Variants in C1QL1 observed in about 807,000 individuals in gnomAD.
C1QL1 encodes the protein complement C1q like 1.
In C1QL1, 15 loss-of-function variants were observed where a neutral mutation model predicts 14.2. The ratio of observed to expected loss-of-function variants is 1.06; its 90% CI spans 0.71 to 1.62. The LOEUF (loss-of-function observed/expected upper bound fraction) is 1.62, where lower values mean the gene tolerates loss of function less well. Among genes scored for constraint, C1QL1 ranks in the 40% most tolerant of loss-of-function variants. C1QL1 has a pLI of 0.00. For synonymous variants in C1QL1, 172 were observed against 172.4 expected (o/e 1.00, Z 0.02); for missense variants, 346 against 380.3 (o/e 0.91, Z 0.75).
chr17:44,967,825 G>A lies in C1QL1; in HGVS notation c.224C>T (p.Thr75Ile). ...AGGCCCCGGAGGGCCGGGCTTGCCG[G>A]TGCGGCCCGGCTTCCCCTGGGGGCC... ...VQGPQGKPGR[T>I]GKPGPPGPPG... The change falls in exon 1 of 2, where the codon ACC (threonine) becomes ATC (isoleucine). Residue 75 changes from threonine (T) to isoleucine (I), a missense_variant. Thr to Ile is a moderately conservative substitution (Grantham distance 89). Coordinates refer to ENST00000253407, the MANE Select transcript of C1QL1 (RefSeq NM_006688.5). This position sits in a 1 kb window ranked among gnomAD's most constrained non-coding sequence, Gnocchi z 7.0. The A allele has an allele frequency of 1.4e-6, 2 of 1,391,722 alleles. No individual in the cohort carries two copies. Among genetic ancestry groups the A allele is most frequent in the Admixed American group, 3.8e-5 (1 of 26,554 alleles). The allele number at this position is 1,391,722 out of a possible 1,614,324, so 86.2% of individuals were successfully genotyped here.
chr17:44,964,459 T>C (rs907536646), intron 1 of C1QL1, among the ~76,000 whole-genome samples: 1 of 152,222 alleles, frequency 6.6e-6, no homozygotes, highest in African/African-American at 2.4e-5. Context: ...AGGTTCACCA[T>C]CTTCTCCCCC....
chr17:44,961,354 A>T (rs2052625999), intron 1 of C1QL1, among the ~76,000 whole-genome samples: 1 of 152,184 alleles, frequency 6.6e-6, no homozygotes, highest in African/African-American at 2.4e-5. Flanking sequence ...GCACTTTGGG[A>T]GGCCCAGGCA....
intron 1 of C1QL1, among the ~76,000 whole-genome samples, chr17:44,966,343 G>A (rs2052657105): frequency 6.6e-6 from 1 of 152,232 alleles, no homozygotes; most frequent in Non-Finnish European, 1.5e-5. Context: ...TGTGGGAAGG[G>A]TTCCAACAAG....
At chr17:44,966,979 C>G (rs2052660512) in intron 1 of C1QL1, among the ~76,000 whole-genome samples, 2 of 152,232 alleles carry the variant, frequency 1.3e-5, no homozygotes, top group Non-Finnish European at 2.9e-5. Context: ...GTGCCCCAAA[C>G]ATTTCCTGCA....
In C1QL1 at chr17:44,960,000, G is replaced by T; in HGVS notation, c.*188C>A. ...CTGGCACGGGGACAGGGCGCGCTGG[G>T]CCCGGCTCTGCAGCGAGCCGGTGGG... On this transcript the variant is annotated 3_prime_UTR_variant, in exon 2 of 2. Coordinates refer to ENST00000253407, the MANE Select transcript of C1QL1 (RefSeq NM_006688.5). 1 of 595,522 alleles carries T rather than the reference G, an allele frequency of 1.7e-6. No individual in the cohort carries two copies. The highest frequency in any genetic ancestry group is 3.0e-6 in the Non-Finnish European group (1 of 337,662). The allele number at this position is 595,522 out of a possible 1,614,324, so 36.9% of individuals were successfully genotyped here.
intron 1 of C1QL1, among the ~76,000 whole-genome samples, chr17:44,966,731 G>C (rs1420285829): frequency 6.6e-6 from 1 of 152,064 alleles, no homozygotes; most frequent in Non-Finnish European, 1.5e-5. Flanking sequence ...GAGACCAAGA[G>C]GAGGGGGAGT....
chr17:44,967,869 CG>C lies in C1QL1; in HGVS notation c.179del (p.Pro60ArgfsTer96). On this transcript the variant is annotated frameshift_variant, in exon 1 of 2. Transcript: ENST00000253407. LOFTEE classifies it high-confidence loss of function. The surrounding 1 kb of genome is among the most constrained non-coding windows in gnomAD (Gnocchi z 7.0). ...GGGGGCCCTGCACCAGCGTGGAAGG[CG>C]GGGGCGCGCCGCTCTGCTCGCTCAG... ...DALSEQSGAP[P>X]PSTLVQGPQG... 1.5e-6 allele frequency: 2 copies of C among 1,312,398 alleles called. No homozygotes were observed. Among genetic ancestry groups the C allele is most frequent in the Non-Finnish European group, 1.9e-6 (2 of 1,040,922 alleles). The allele number at this position is 1,312,398 out of a possible 1,614,324, so 81.3% of individuals were successfully genotyped here.
Position 44,960,335 on chromosome 17 carries a change from G to A in C1QL1, c.630C>T (p.Asp210=), listed in dbSNP as rs2052620831. 1.2e-6 allele frequency: 2 copies of A among 1,614,056 alleles called. No homozygotes were observed. Among genetic ancestry groups the A allele is most frequent in the Non-Finnish European group, 1.7e-6 (2 of 1,180,028 alleles). The change falls in exon 2 of 2, where the codon GAC becomes GAT. Residue 210 remains aspartate (D), a synonymous_variant. Transcript: ENST00000253407. The part of the protein sequence containing the change: ...VRASAIAQDA[D]QNYDYASNSV... Reference sequence around the variant, plus strand: ...TGTTGCTGGCGTAGTCGTAGTTCTGGTCCGCGTCCTGGGCAATAGCACTGG... The same window carrying A: ...TGTTGCTGGCGTAGTCGTAGTTCTGATCCGCGTCCTGGGCAATAGCACTGG...
chr17:44,966,783 G>A (rs899269751), intron 1 of C1QL1, among the ~76,000 whole-genome samples: 2 of 24,708 alleles, frequency 8.1e-5, no homozygotes, highest in East Asian at 1.2e-3. Context: ...CCCCCTCCCC[G>A]CCTCAGGAGG....
At chr17:44,966,812 C>A (rs2052659817) in intron 1 of C1QL1, among the ~76,000 whole-genome samples, 1 of 149,126 alleles carries the variant, frequency 6.7e-6, no homozygotes, top group African/African-American at 2.5e-5. Flanking sequence ...CCCCGCCCCC[C>A]AGACTGCCTT....
intron 1 of C1QL1, among the ~76,000 whole-genome samples, chr17:44,965,998 A>C (rs2052655346): frequency 6.6e-6 from 1 of 152,232 alleles, no homozygotes; most frequent in Non-Finnish European, 1.5e-5. Context: ...AGACACGGGG[A>C]TGTCTGATAG....
intron 1 of C1QL1, among the ~76,000 whole-genome samples, chr17:44,962,896 C>T (rs1272370004): frequency 2.6e-5 from 4 of 152,160 alleles, no homozygotes; most frequent in East Asian, 1.9e-4. Flanking sequence ...TGATTGTTGC[C>T]GTAATTATCC....
At chr17:44,961,946 G>A (rs767064667) in intron 1 of C1QL1, among the ~76,000 whole-genome samples, 4 of 151,532 alleles carry the variant, frequency 2.6e-5, no homozygotes, top group Non-Finnish European at 5.9e-5. Context: ...TTGTGTGGTG[G>A]TGAACGAATG....
chr17:44,959,953 G>T lies in C1QL1; in HGVS notation c.*235C>A. On this transcript the variant is annotated 3_prime_UTR_variant, in exon 2 of 2. Coordinates refer to ENST00000253407, the MANE Select transcript of C1QL1 (RefSeq NM_006688.5). Reference sequence around the variant, plus strand: ...TACAAATATATAGCGCGGGCTGGGCGGGGGCGGTCAACCCCGGTTCCCTGG... The same window carrying T: ...TACAAATATATAGCGCGGGCTGGGCTGGGGCGGTCAACCCCGGTTCCCTGG... 1.9e-6 allele frequency: 1 copy of T among 540,188 alleles called. No individual in the cohort carries two copies. Among genetic ancestry groups the T allele is most frequent in the Non-Finnish European group, 3.3e-6 (1 of 305,442 alleles). The allele number at this position is 540,188 out of a possible 1,614,324, so 33.5% of individuals were successfully genotyped here.
chr17:44,965,719 G>T (rs190789226), intron 1 of C1QL1, among the ~76,000 whole-genome samples: 2 of 152,346 alleles, frequency 1.3e-5, no homozygotes, highest in African/African-American at 4.8e-5. Flanking sequence ...CTGGGGACCT[G>T]CTGGGACTTC....
intron 1 of C1QL1, among the ~76,000 whole-genome samples, chr17:44,965,877 C>T (rs1290012432): frequency 6.6e-6 from 1 of 152,238 alleles, no homozygotes; most frequent in East Asian, 1.9e-4. Flanking sequence ...GGTGACATTG[C>T]TGCATCCCTT....
Position 44,967,566 on chromosome 17 carries a change from C to A in C1QL1, c.483G>T (p.Ala161=). The A allele has an allele frequency of 6.2e-7, 1 of 1,614,098 alleles. No homozygotes were observed. The highest frequency in any genetic ancestry group is 8.5e-7 in the Non-Finnish European group (1 of 1,179,950). ...VVTNLGNNYD[A]ASGKFTCNIP... ...TGTTGCACGTAAACTTGCCGCTGGC[C>A]GCGTCGTAGTTGTTGCCTAGGTTGG... Residue 161 remains alanine (A), a synonymous_variant, in exon 1 of 2, where the codon GCG becomes GCT. Transcript: ENST00000253407. This position sits in a 1 kb window ranked among gnomAD's most constrained non-coding sequence, Gnocchi z 7.0.
At chr17:44,961,265 C>G (rs1269324505) in intron 1 of C1QL1, among the ~76,000 whole-genome samples, 4 of 152,166 alleles carry the variant, frequency 2.6e-5, no homozygotes, top group Non-Finnish European at 4.4e-5. Flanking sequence ...TGGAGCCTGC[C>G]GTCACTTTTG....
chr17:44,961,347 C>A (rs980423636), intron 1 of C1QL1, among the ~76,000 whole-genome samples: 12 of 152,162 alleles, frequency 7.9e-5, no homozygotes, highest in Non-Finnish European at 1.6e-4. Context: ...GATCCCAGCA[C>A]TTTGGGAGGC....
Sources: allele counts gnomAD v4.1 joint callset (sites outside exome capture counted in the v4.1 genomes callset), GRCh38; gene constraint gnomAD v4.1.1; non-coding constraint Gnocchi (gnomAD v3.1); transcripts MANE v1.5; gene names NCBI Gene and HGNC (gene_info 2026-07-23, HGNC 2026-07-21).